Variants in FAT1 observed in about 807,000 individuals in gnomAD.
FAT1 encodes FAT atypical cadherin 1.
Under a neutral mutation model 329.8 loss-of-function variants are expected in FAT1, and 171 were observed. That is an observed-to-expected ratio of 0.52 (90% CI 0.46 to 0.59). FAT1 has a LOEUF of 0.59. Ranked by LOEUF, FAT1 falls within the 20% of genes least tolerant of loss-of-function variation. FAT1 has a pLI of 0.00. For synonymous variants in FAT1, 2,233 were observed against 2,228.6 expected, an observed-to-expected ratio of 1.00 and a Z score of -0.06; for missense variants, 5,672 against 5,774.4, an observed-to-expected ratio of 0.98 and a Z score of 0.57.
intron 2 of FAT1, among the ~76,000 whole-genome samples, chr4:186,671,062 A>AT (rs1357461191): frequency 6.6e-6 from 1 of 152,130 alleles, no homozygotes; most frequent in African/African-American, 2.4e-5. Context: ...CAAATGTTTT[A>AT]TTTTTTTAAA....
Position 186,704,583 on chromosome 4 carries a change from T to C in FAT1, c.3265+1980A>G, listed in dbSNP as rs184623880. The stretch of plus-strand genomic sequence containing the variant: ...CAGTTCTTTATAGGCTTTTGAAACC[T>C]ACTTTGGAGAAGGAAAAAAAGTAGG... On this transcript the variant is annotated intron_variant, in intron 2 of 26. Transcript: ENST00000441802. 2.7e-4 allele frequency among the ~76,000 whole-genome samples: 41 copies of C among 152,328 alleles called. 1 individual carries two copies. Among genetic ancestry groups the C allele is most frequent in the African/African-American group, 9.4e-4 (39 of 41,572 alleles).
At chr4:186,592,976 C>T (rs908682349) in intron 26 of FAT1, among the ~76,000 whole-genome samples, 10 of 152,174 alleles carry the variant, frequency 6.6e-5, no homozygotes, top group East Asian at 1.9e-4. Context: ...AAAGGAATAA[C>T]GTAAACATAT....
intron 3 of FAT1, among the ~76,000 whole-genome samples, chr4:186,645,945 CAAAA>C (rs773581100): frequency 1.2e-4 from 7 of 58,210 alleles, no homozygotes; most frequent in African/African-American, 3.2e-4. Context: ...GACTGTCTCA[CAAAA>C]AAAAAAAAAA....
chr4:186,692,474 G>A (rs949736920), intron 2 of FAT1, among the ~76,000 whole-genome samples: 38 of 152,004 alleles, frequency 2.5e-4, no homozygotes, highest in East Asian at 2.1e-3. Context: ...CACCACGCCC[G>A]GCTAATTTTT....
Position 186,604,404 on chromosome 4 carries a change from C to A in FAT1, c.10521G>T (p.Glu3507Asp). 6.2e-7 allele frequency: 1 copy of A among 1,613,618 alleles called. No homozygotes were observed. The highest frequency in any genetic ancestry group is 8.5e-7 in the Non-Finnish European group (1 of 1,179,742). ...LLTSSAIKRK[E>D]KDHYLLQVKV... ...TCACCTGCAGTAAGTAATGATCTTT[C>A]TCCTTCCTCTTGATGGCAGATGATG... The change falls in exon 18 of 27, where the codon GAG becomes GAT. Residue 3507 changes from glutamate (E) to aspartate (D), a missense_variant. Physicochemically the swap from Glu to Asp is conservative, Grantham distance 45. Transcript: ENST00000441802.
At chr4:186,710,181 C>A (rs1744888972) in intron 1 of FAT1, among the ~76,000 whole-genome samples, 2 of 152,060 alleles carry the variant, frequency 1.3e-5, no homozygotes, top group African/African-American at 4.8e-5. Context: ...ATCGTTAAGG[C>A]AAATATAAGC....
intron 14 of FAT1, among the ~76,000 whole-genome samples, chr4:186,611,032 T>C (rs1191797152): frequency 6.6e-6 from 1 of 152,168 alleles, no homozygotes; most frequent in Non-Finnish European, 1.5e-5. Context: ...GAAGTTACCA[T>C]CCATGAGTCT....
intron 2 of FAT1, among the ~76,000 whole-genome samples, chr4:186,690,960 G>A (rs1291788253): frequency 6.6e-6 from 1 of 152,046 alleles, no homozygotes; most frequent in African/African-American, 2.4e-5. Context: ...AATTTCATCT[G>A]TTATATTCTT....
Position 186,656,501 on chromosome 4 carries a change from C to T in FAT1, c.3580+6798G>A, listed in dbSNP as rs199761173. On this transcript the variant is annotated intron_variant, in intron 3 of 26. Transcript: ENST00000441802. ...ACGTTGTGCCATGTGATTGCATTAC[C>T]CATTTAAAACAAGTGATAGAATTTA... is the stretch of plus-strand genomic sequence containing the variant. 5.3e-5 allele frequency among the ~76,000 whole-genome samples: 8 copies of T among 152,286 alleles called. No homozygotes were observed. The East Asian group carries it at 1.2e-3, about 22-fold the overall frequency.
At chr4:186,678,226 AAC>A (rs1743040125) in intron 2 of FAT1, among the ~76,000 whole-genome samples, 1 of 152,122 alleles carries the variant, frequency 6.6e-6, no homozygotes, top group Non-Finnish European at 1.5e-5. Flanking sequence ...CAAATTCAAA[AAC>A]ACACAAGTGT....
intron 3 of FAT1, among the ~76,000 whole-genome samples, chr4:186,659,751 C>A (rs1579403314): frequency 6.7e-6 from 1 of 148,924 alleles, no homozygotes; most frequent in East Asian, 2.0e-4. Flanking sequence ...CACCTGTCCC[C>A]TGAACAACCC....
At chr4:186,605,222 A>G (rs754755061) in intron 17 of FAT1, among the ~76,000 whole-genome samples, 5,008 of 145,290 alleles carry the variant, frequency 0.034, 228 homozygotes, top group East Asian at 0.16. Flanking sequence ...CTCAGAAAAA[A>G]AAAAAAAAAA....
intron 2 of FAT1, among the ~76,000 whole-genome samples, chr4:186,668,956 T>C (rs1184225594): frequency 6.6e-6 from 1 of 152,202 alleles, no homozygotes; most frequent in African/African-American, 2.4e-5. Context: ...TTTCAATAAG[T>C]ACTTTTTTAT....
At chr4:186,656,099 G>T (rs1455339316) in intron 3 of FAT1, among the ~76,000 whole-genome samples, 1 of 152,252 alleles carries the variant, frequency 6.6e-6, no homozygotes, top group Non-Finnish European at 1.5e-5. Context: ...GGGAAAGCTT[G>T]ACTGAGGATC....
chr4:186,623,199 C>T (rs1025456432), intron 9 of FAT1, among the ~76,000 whole-genome samples: 11 of 152,222 alleles, frequency 7.2e-5, no homozygotes, highest in African/African-American at 1.9e-4. Context: ...TAGGCCCTGA[C>T]GCTCTGAGCT....
chr4:186,723,055 T>A (rs548969507), intron 1 of FAT1, among the ~76,000 whole-genome samples: 6 of 152,316 alleles, frequency 3.9e-5, no homozygotes, highest in Admixed American at 2.0e-4. Flanking sequence ...CATTTTTTTT[T>A]AAAGGCAATG....
At chr4:186,703,029 T>C (rs1222875108) in intron 2 of FAT1, among the ~76,000 whole-genome samples, 1 of 152,152 alleles carries the variant, frequency 6.6e-6, no homozygotes, top group African/African-American at 2.4e-5. Context: ...AGACCGACTT[T>C]CCAAATAATT....
intron 1 of FAT1, among the ~76,000 whole-genome samples, chr4:186,711,690 G>A (rs7658786): frequency 5.0e-4 from 76 of 152,268 alleles, no homozygotes; most frequent in African/African-American, 1.6e-3. Flanking sequence ...GGCCAATGCA[G>A]CCGGATCCCT....
intron 2 of FAT1, among the ~76,000 whole-genome samples, chr4:186,678,199 C>T (rs1278317604): frequency 6.6e-6 from 1 of 152,070 alleles, no homozygotes; most frequent in Non-Finnish European, 1.5e-5. Flanking sequence ...TATATTCAAA[C>T]TAACCACTAG....
Sources: gnomAD v4.1 joint callset for allele counts (sites outside exome capture counted in the v4.1 genomes callset) on GRCh38, gnomAD v4.1.1 for gene constraint, MANE v1.5 for transcripts, NCBI Gene and HGNC (gene_info 2026-07-23, HGNC 2026-07-21) for gene names.